The following CLIC5 variants were observed in gnomAD, a reference collection of about 807,000 sequenced individuals.
CLIC5 encodes the protein CLIC family member 5.
Under a neutral mutation model 24.7 loss-of-function variants are expected in CLIC5, and 20 were observed. That is an observed-to-expected ratio of 0.81 (90% confidence interval 0.57 to 1.18). CLIC5 has a LOEUF of 1.18. Ranked by LOEUF, CLIC5 falls within the 50% of genes most tolerant of loss-of-function variation. CLIC5 has a pLI of 0.00. For synonymous variants in CLIC5, 159 were observed against 135.6 expected (o/e 1.17, Z -1.20); for missense variants, 341 against 326.1 (o/e 1.05, Z -0.35).
intron 1 of CLIC5, among the ~76,000 whole-genome samples, chr6:46,075,225 A>T (rs557716412): frequency 2.6e-4 from 40 of 152,302 alleles, no homozygotes; most frequent in Admixed American, 6.5e-4. Flanking sequence ...AATTTAACAG[A>T]AATTAATCTG....
chr6:45,965,420 C>T (rs3777594), intron 1 of CLIC5, among the ~76,000 whole-genome samples: 71,190 of 152,040 alleles, frequency 0.47, 17,871 homozygotes, highest in East Asian at 0.79. Context: ...GGATCAGGTC[C>T]GGGACAGATT....
the CLIC5 span, among the ~76,000 whole-genome samples, chr6:46,096,372 A>G: frequency 1.3e-5 from 2 of 152,246 alleles, no homozygotes; most frequent in Admixed American, 1.3e-4. Flanking sequence ...TGGATAAATA[A>G]GTTGTGGTAT....
chr6:45,881,746 C>A (rs1762264475), intron 6 of CLIC5, among the ~76,000 whole-genome samples: 1 of 152,080 alleles, frequency 6.6e-6, no homozygotes, highest in Non-Finnish European at 1.5e-5. Context: ...TATTTTCTCT[C>A]CCAGAAGACT....
At chr6:45,982,802 G>A (rs1765611117) in intron 1 of CLIC5, among the ~76,000 whole-genome samples, 1 of 152,212 alleles carries the variant, frequency 6.6e-6, no homozygotes, top group Non-Finnish European at 1.5e-5. Flanking sequence ...GCATAGATGA[G>A]TGGTTTTAAT....
chr6:45,954,241 C>G (rs1215898984), intron 2 of CLIC5, among the ~76,000 whole-genome samples: 2 of 143,648 alleles, frequency 1.4e-5, no homozygotes, highest in Non-Finnish European at 3.0e-5. Flanking sequence ...CCACTGCACT[C>G]CAGCCTGAGC....
the CLIC5 span, among the ~76,000 whole-genome samples, chr6:46,117,596 G>A: frequency 1.3e-5 from 2 of 152,150 alleles, no homozygotes; most frequent in African/African-American, 2.4e-5. Context: ...CACACTATTA[G>A]GAAGAATGTT....
chr6:46,025,753 G>T (rs539681927), intron 1 of CLIC5, among the ~76,000 whole-genome samples: 1 of 152,280 alleles, frequency 6.6e-6, no homozygotes, highest in Non-Finnish European at 1.5e-5. Flanking sequence ...ATCACCACGT[G>T]TCAGGGGAGA....
At chr6:46,060,219 T>A (rs956200499) in intron 1 of CLIC5, among the ~76,000 whole-genome samples, 6 of 152,108 alleles carry the variant, frequency 3.9e-5, no homozygotes, top group Non-Finnish European at 7.4e-5. Flanking sequence ...CTGACATGAG[T>A]ATTTTGGTAA....
intron 1 of CLIC5, among the ~76,000 whole-genome samples, chr6:46,048,590 C>T (rs1768019520): frequency 6.6e-6 from 1 of 152,124 alleles, no homozygotes; most frequent in Non-Finnish European, 1.5e-5. Flanking sequence ...CTTTGCTCCA[C>T]CCAGCAGTCA....
upstream of CLIC5, among the ~76,000 whole-genome samples, chr6:46,083,112 C>T (rs1762959946): frequency 6.6e-6 from 1 of 152,190 alleles, no homozygotes; most frequent in Non-Finnish European, 1.5e-5. Flanking sequence ...TGCTATATAG[C>T]TAAAGTCTAG....
chr6:45,928,767 AGTGTGTGTGTGT>A (rs5875948), intron 4 of CLIC5, among the ~76,000 whole-genome samples: 1 of 144,086 alleles, frequency 6.9e-6, no homozygotes, highest in South Asian at 2.2e-4. Flanking sequence ...GAAGTGCATA[AGTGTGTGTGTGT>A]GTGTGTGTGT....
intron 4 of CLIC5, among the ~76,000 whole-genome samples, chr6:45,919,604 C>T (rs543330960): frequency 2.3e-4 from 35 of 152,256 alleles, no homozygotes; most frequent in African/African-American, 6.3e-4. Context: ...CAGAAAGCCT[C>T]GCGGCCTTGC....
In CLIC5 at chr6:45,948,330, C is replaced by T. The variant is rs149970162; in HGVS notation, c.299+926G>A. 7.3e-3 allele frequency among the ~76,000 whole-genome samples: 1,112 copies of T among 152,302 alleles called. 19 individuals carry two copies. The highest frequency in any genetic ancestry group is 0.028 in the Admixed American group (423 of 15,300). On this transcript the variant is annotated intron_variant, in intron 3 of 5. Coordinates refer to ENST00000339561, the MANE Select transcript of CLIC5 (RefSeq NM_016929.5). The stretch of plus-strand genomic sequence containing the variant: ...CCCTGTCTTGGCTTAGCCCTTCATT[C>T]GTCCTGCCTGGACAGTCACCAATGG...
chr6:45,924,850 C>T (rs905406717), intron 4 of CLIC5, among the ~76,000 whole-genome samples: 1 of 152,044 alleles, frequency 6.6e-6, no homozygotes, highest in Non-Finnish European at 1.5e-5. Context: ...CTACAGAAGG[C>T]CAAATAACCA....
At chr6:45,949,946 C>A (rs552918831) in intron 2 of CLIC5, among the ~76,000 whole-genome samples, 34 of 152,302 alleles carry the variant, frequency 2.2e-4, no homozygotes, top group Admixed American at 1.3e-3. Flanking sequence ...TCACACTCAA[C>A]AGAATACTCT....
chr6:46,012,982 A>T lies in CLIC5; in HGVS notation c.63+2498T>A, dbSNP rs2022420. ...GCTGCAATCTTTCCTTCTTCTTATC[A>T]TTATCATTATCAGCAGTAGTAGTAA... On this transcript the variant is annotated intron_variant, in intron 1 of 5. Transcript: ENST00000339561. 4.4e-3 allele frequency among the ~76,000 whole-genome samples: 666 copies of T among 152,314 alleles called. 4 individuals carry two copies. The highest frequency in any genetic ancestry group is 0.015 in the African/African-American group (610 of 41,562).
intron 1 of CLIC5, among the ~76,000 whole-genome samples, chr6:45,964,623 A>G (rs1197367441): frequency 2.0e-5 from 3 of 152,204 alleles, no homozygotes; most frequent in Non-Finnish European, 2.9e-5. Flanking sequence ...TAATAGTCTC[A>G]GCAACGTTTT....
At chr6:46,001,520 C>T (rs1352783195) in intron 1 of CLIC5, among the ~76,000 whole-genome samples, 2 of 152,122 alleles carry the variant, frequency 1.3e-5, no homozygotes, top group Non-Finnish European at 2.9e-5. Context: ...CTTCAGGCCA[C>T]AGTCCTTCCA....
downstream of CLIC5, among the ~76,000 whole-genome samples, chr6:45,898,084 T>C (rs965919241): frequency 1.3e-5 from 2 of 152,178 alleles, no homozygotes; most frequent in African/African-American, 4.8e-5. Flanking sequence ...TTGCTTTGTT[T>C]GAGAGGGAGT....
Sources: allele counts gnomAD v4.1 joint callset (sites outside exome capture counted in the v4.1 genomes callset), GRCh38; gene constraint gnomAD v4.1.1; transcripts MANE v1.5; gene names NCBI Gene and HGNC (gene_info 2026-07-23, HGNC 2026-07-21).